ZNF385B: variants seen among roughly 807,000 people sequenced by gnomAD.
ZNF385B encodes zinc finger protein 533.
In ZNF385B, 23 loss-of-function variants were observed where a neutral mutation model predicts 39.2. The observed-to-expected ratio is 0.59, with a 90% CI of 0.42 to 0.83. The LOEUF (loss-of-function observed/expected upper bound fraction) is 0.83. Among genes scored for constraint, ZNF385B ranks in the 40% least tolerant of loss-of-function variants. The pLI, the probability that ZNF385B is intolerant of heterozygous loss-of-function variation, is 0.00. For synonymous variants in ZNF385B, 205 were observed against 222.6 expected, an observed-to-expected ratio of 0.92 and a Z score of 0.70; for missense variants, 552 against 598.9, an observed-to-expected ratio of 0.92 and a Z score of 0.82.
chr2:179,674,085 G>A (rs937360265), intron 3 of ZNF385B, among the ~76,000 whole-genome samples: 1 of 152,032 alleles, frequency 6.6e-6, no homozygotes, highest in African/African-American at 2.4e-5. Flanking sequence ...TAAGGCCAGG[G>A]ACAACTTGCA....
chr2:179,733,656 G>A (rs955503559), intron 3 of ZNF385B, among the ~76,000 whole-genome samples: 1 of 152,008 alleles, frequency 6.6e-6, no homozygotes, highest in Non-Finnish European at 1.5e-5. Flanking sequence ...GGTGGCGGGT[G>A]CCTGTAGTCC....
chr2:179,588,541 T>C (rs966876451), intron 3 of ZNF385B, among the ~76,000 whole-genome samples: 13 of 152,082 alleles, frequency 8.5e-5, no homozygotes, highest in Admixed American at 6.5e-4. Flanking sequence ...TTGAGTTCTG[T>C]CACACTTACC....
At chr2:179,643,965 G>A (rs1162341958) in intron 3 of ZNF385B, among the ~76,000 whole-genome samples, 1 of 151,928 alleles carries the variant, frequency 6.6e-6, no homozygotes, top group African/African-American at 2.4e-5. Flanking sequence ...TCAAAATCCT[G>A]CGCACCACTC....
At chr2:179,506,806 G>A (rs1246622721) in intron 5 of ZNF385B, among the ~76,000 whole-genome samples, 1 of 152,082 alleles carries the variant, frequency 6.6e-6, no homozygotes, top group Non-Finnish European at 1.5e-5. Context: ...TAGAGAGGAA[G>A]GAGTATTAAA....
chr2:179,604,018 T>A (rs893301729), intron 3 of ZNF385B, among the ~76,000 whole-genome samples: 2 of 152,210 alleles, frequency 1.3e-5, no homozygotes, highest in African/African-American at 4.8e-5. Context: ...AATGAGCTTA[T>A]TTTAAAAAAT....
chr2:179,851,259 C>T (rs568443687), intron 1 of ZNF385B, among the ~76,000 whole-genome samples: 15 of 152,234 alleles, frequency 9.9e-5, no homozygotes, highest in African/African-American at 2.4e-4. Flanking sequence ...AAGACCAGCC[C>T]GTGCAACGCG....
chr2:179,501,740 G>A (rs769748395), intron 5 of ZNF385B, among the ~76,000 whole-genome samples: 13 of 152,206 alleles, frequency 8.5e-5, no homozygotes, highest in South Asian at 2.1e-4. Context: ...AAGTATAATC[G>A]TATTGTTTGT....
intron 3 of ZNF385B, among the ~76,000 whole-genome samples, chr2:179,750,702 G>A (rs985021943): frequency 3.3e-5 from 5 of 151,920 alleles, no homozygotes; most frequent in Admixed American, 2.6e-4. Context: ...TATGAAACGA[G>A]TTTTCTGAAC....
At chr2:179,530,606 C>T (rs2059193999) in intron 4 of ZNF385B, among the ~76,000 whole-genome samples, 1 of 152,140 alleles carries the variant, frequency 6.6e-6, no homozygotes, top group Admixed American at 6.5e-5. Flanking sequence ...TGCTGAGGTC[C>T]ATGACAAAAA....
intron 3 of ZNF385B, among the ~76,000 whole-genome samples, chr2:179,710,789 C>T (rs1223600482): frequency 6.6e-6 from 1 of 152,158 alleles, no homozygotes; most frequent in Middle Eastern, 3.2e-3. Context: ...CTGGTCTCTC[C>T]CTATAACAAA....
chr2:179,715,362 T>C (rs1700270074), intron 3 of ZNF385B, among the ~76,000 whole-genome samples: 1 of 152,222 alleles, frequency 6.6e-6, no homozygotes, highest in Non-Finnish European at 1.5e-5. Context: ...ATATTTGCTC[T>C]TTAGTCTAAA....
intron 3 of ZNF385B, among the ~76,000 whole-genome samples, chr2:179,662,040 G>C (rs1263405123): frequency 6.6e-6 from 1 of 152,126 alleles, no homozygotes; most frequent in East Asian, 1.9e-4. Flanking sequence ...TAAATACTAA[G>C]CCAGCATATA....
chr2:179,808,704 T>C (rs778983868), intron 1 of ZNF385B, among the ~76,000 whole-genome samples: 34 of 152,196 alleles, frequency 2.2e-4, no homozygotes, highest in Non-Finnish European at 3.5e-4. Flanking sequence ...TTGAGAAACA[T>C]TGCTTTACAG....
At chr2:179,563,699 A>C (rs894259865) in intron 3 of ZNF385B, among the ~76,000 whole-genome samples, 4 of 152,172 alleles carry the variant, frequency 2.6e-5, no homozygotes, top group Non-Finnish European at 4.4e-5. Flanking sequence ...ATTCTAAATG[A>C]AACATAGTAT....
intron 3 of ZNF385B, among the ~76,000 whole-genome samples, chr2:179,602,669 C>T (rs534149027): frequency 2.0e-5 from 3 of 152,248 alleles, no homozygotes; most frequent in Non-Finnish European, 1.5e-5. Flanking sequence ...GTAAATACCA[C>T]GTAAGTTTTC....
intron 3 of ZNF385B, among the ~76,000 whole-genome samples, chr2:179,566,853 G>A (rs1334821171): frequency 6.6e-6 from 1 of 151,876 alleles, no homozygotes; most frequent in African/African-American, 2.4e-5. Flanking sequence ...ATTCATTGGG[G>A]AGGGGAACTG....
chr2:179,636,920 T>C (rs1691812305), intron 3 of ZNF385B, among the ~76,000 whole-genome samples: 1 of 152,180 alleles, frequency 6.6e-6, no homozygotes, highest in Non-Finnish European at 1.5e-5. Flanking sequence ...ATAGTTAATA[T>C]GAATCTACAG....
At chr2:179,714,950 A>AAAC (rs1017822291) in intron 3 of ZNF385B, among the ~76,000 whole-genome samples, 6 of 150,876 alleles carry the variant, frequency 4.0e-5, no homozygotes, top group Non-Finnish European at 7.4e-5. Flanking sequence ...CTCAAAAAAA[A>AAAC]AAAAAAAAAA....
At chr2:179,808,565 A>G (rs935887912) in intron 1 of ZNF385B, among the ~76,000 whole-genome samples, 1 of 152,244 alleles carries the variant, frequency 6.6e-6, no homozygotes, top group Non-Finnish European at 1.5e-5. Context: ...GCTAGTTTGT[A>G]TACTTGTCTC....
Sources: gnomAD v4.1 joint callset for allele counts (sites outside exome capture counted in the v4.1 genomes callset) on GRCh38, gnomAD v4.1.1 for gene constraint, MANE v1.5 for transcripts, NCBI Gene and HGNC (gene_info 2026-07-23, HGNC 2026-07-21) for gene names.